SLC2A11: variants seen among roughly 807,000 people sequenced by gnomAD.
SLC2A11 encodes the protein solute carrier family 2, facilitated glucose transporter member 11.
In SLC2A11, 43 loss-of-function variants were observed where a neutral mutation model predicts 52.1. The ratio of observed to expected loss-of-function variants is 0.82; its 90% CI spans 0.65 to 1.06. The LOEUF (loss-of-function observed/expected upper bound fraction) is 1.06. SLC2A11 is among the 50% of genes least tolerant of loss of function. The pLI is 0.00. For missense variants in SLC2A11, 582 were observed against 654.2 expected, an observed-to-expected ratio of 0.89 and a Z score of 1.20; for synonymous variants, 261 against 277.6, an observed-to-expected ratio of 0.94 and a Z score of 0.59.
At chr22:23,859,659 T>A (rs2031982481) in intron 1 of SLC2A11, among the ~76,000 whole-genome samples, 1 of 152,204 alleles carries the variant, frequency 6.6e-6, no homozygotes. Flanking sequence ...CGGCTAATTT[T>A]TGTATTTTTA....
At chr22:23,865,120 A>C (rs1185308722) in intron 2 of SLC2A11, 1 of 150,792 alleles carries the variant, frequency 6.6e-6, no homozygotes, top group Non-Finnish European at 1.5e-5. Flanking sequence ...AAAAAAAAAA[A>C]AAACCAGAAA....
chr22:23,864,784 TG>T (rs1035068831), intron 2 of SLC2A11, among the ~76,000 whole-genome samples: 1 of 152,176 alleles, frequency 6.6e-6, no homozygotes, highest in African/African-American at 2.4e-5. Flanking sequence ...CCTACCCTGC[TG>T]AATGGTGTTA....
At chr22:23,857,112 C>A, upstream of SLC2A11, 1 of 1,284,932 alleles carries the variant, frequency 7.8e-7, no homozygotes, top group Non-Finnish European at 1.1e-6. Context: ...CATAGATGTG[C>A]ACAACCAAGG....
chr22:23,866,016 A>G (rs1362031397), intron 2 of SLC2A11: 1 of 152,032 alleles, frequency 6.6e-6, no homozygotes, highest in Non-Finnish European at 1.5e-5. Flanking sequence ...AAAGTAAAAA[A>G]AATGCAACAG....
At chr22:23,878,705 C>T (rs1244800251) in intron 6 of SLC2A11, among the ~76,000 whole-genome samples, 1 of 152,196 alleles carries the variant, frequency 6.6e-6, no homozygotes, top group Non-Finnish European at 1.5e-5. Context: ...GTACTCTTCT[C>T]TGTCACCATG....
At chr22:23,882,269 GAC>G (rs1243077631) in intron 6 of SLC2A11, 188 bp from the exon 7 acceptor site, 9 of 548,412 alleles carry the variant, frequency 1.6e-5, no homozygotes, top group East Asian at 3.1e-5. Flanking sequence ...CACACACAGA[GAC>G]ACACACAGAG....
At chr22:23,857,127 G>C, upstream of SLC2A11, 1 of 1,230,950 alleles carries the variant, frequency 8.1e-7, no homozygotes, top group Non-Finnish European at 1.1e-6. Context: ...CCAAGGGCTT[G>C]GCCCTCCGGA....
In SLC2A11 at chr22:23,858,033, T is replaced by A. The variant is rs1031713801; in HGVS notation, c.30+4T>A. The A allele has an allele frequency of 6.4e-7, 1 of 1,561,744 alleles. No homozygotes were observed. The highest frequency in any genetic ancestry group is 8.7e-7 in the Non-Finnish European group (1 of 1,152,578). The stretch of plus-strand genomic sequence containing the variant: ...CGCCCTCCTGCGATCTAGAATGGTA[T>A]GAATTCTCATACTTGCCCAGACCAG... On this transcript the variant is annotated splice_donor_region_variant and intron_variant, in intron 1 of 11. Transcript: ENST00000316185.
At chr22:23,872,595 C>T (rs935703191) in intron 3 of SLC2A11, 2 of 152,194 alleles carry the variant, frequency 1.3e-5, no homozygotes, top group African/African-American at 4.8e-5. Context: ...GAATATACTT[C>T]TCTTGCTTAG....
chr22:23,857,067 T>C, upstream of SLC2A11: 1 of 408,114 alleles, frequency 2.5e-6, no homozygotes, highest in South Asian at 2.0e-5. Flanking sequence ...CCAAAGTGTG[T>C]GTGTGTGGGG....
chr22:23,878,473 C>G (rs2032697520), intron 6 of SLC2A11, among the ~76,000 whole-genome samples: 1 of 152,120 alleles, frequency 6.6e-6, no homozygotes, highest in Non-Finnish European at 1.5e-5. Flanking sequence ...AACGAGTTAG[C>G]CTAGGAATAG....
chr22:23,862,121 G>A lies in SLC2A11; in HGVS notation c.48G>A (p.Leu16=). 6.2e-7 allele frequency: 1 copy of A among 1,614,146 alleles called. No individual in the cohort carries two copies. The highest frequency in any genetic ancestry group is 1.1e-5 in the South Asian group (1 of 91,074). ...CTCCTCAGATTCAGGGCAGGATCCT[G>A]CTCCTGACCATCTGCGCTGCCGGCA... is the stretch of plus-strand genomic sequence containing the variant. ...LRSRMIQGRI[L]LLTICAAGIG... is the part of the protein sequence containing the mutation. The change falls in exon 2 of 12, where the codon CTG becomes CTA. Residue 16 remains leucine, a synonymous_variant. Coordinates refer to ENST00000316185, the MANE Select transcript of SLC2A11 (RefSeq NM_001024939.4).
chr22:23,877,261 G>T, intron 5 of SLC2A11, 90 bp downstream of exon 5: 1 of 1,566,398 alleles, frequency 6.4e-7, no homozygotes, highest in Non-Finnish European at 8.7e-7. Flanking sequence ...CCCACTAGTA[G>T]ATTAAAGCAT....
chr22:23,882,681 CG>C (rs1449906931), intron 7 of SLC2A11, 35 bp downstream of exon 7: 33 of 1,606,276 alleles, frequency 2.1e-5, no homozygotes, highest in African/African-American at 2.7e-5. Context: ...CCCTGGGCCC[CG>C]GGGGCTTGGT....
At chr22:23,857,661 C>CCGCGCATGCGCCT (rs1184988177), upstream of SLC2A11, 7 of 1,102,440 alleles carry the variant, frequency 6.3e-6, no homozygotes, top group Non-Finnish European at 9.0e-6. Flanking sequence ...AACGCTGAGT[C>CCGCGCATGCGCCT]CGCGCATGCG....
chr22:23,864,308 C>T (rs2032182082), intron 2 of SLC2A11, among the ~76,000 whole-genome samples: 1 of 152,020 alleles, frequency 6.6e-6, no homozygotes, highest in Non-Finnish European at 1.5e-5. Flanking sequence ...GAGCTGGCTG[C>T]GTTGGTTTAT....
rs185379720 is a variant in SLC2A11 at position 23,878,797 on chromosome 22, A to G, written c.694+928A>G. ...GGATCCCCCAAAGTCTCATCCAATCATGGCATCGGGCTTGAAGTCCCAGAT... is the reference window on the plus strand; with the variant it reads ...GGATCCCCCAAAGTCTCATCCAATCGTGGCATCGGGCTTGAAGTCCCAGAT... On this transcript the variant is annotated intron_variant, in intron 6 of 11. Transcript: ENST00000316185. 5.9e-5 allele frequency among the ~76,000 whole-genome samples: 9 copies of G among 152,250 alleles called. No individual in the cohort carries two copies. In the East Asian group the frequency reaches 1.7e-3, roughly 29 times the overall value.
Position 23,884,767 on chromosome 22 carries a change from A to G in SLC2A11, c.1418A>G (p.Glu473Gly). Residue 473 changes from glutamate to glycine, a missense_variant, in exon 12 of 12, where the codon GAA (glutamate) becomes GGA (glycine). Coordinates refer to ENST00000316185, the MANE Select transcript of SLC2A11 (RefSeq NM_001024939.4). This position sits in a 1 kb window ranked among gnomAD's most constrained non-coding sequence, Gnocchi z 4.3. ...AAGACCTTCCAAGAGATCTCCAAGGAATTACACAGACTCAACTTCCCCAGG... is the reference window on the plus strand; with the variant it reads ...AAGACCTTCCAAGAGATCTCCAAGGGATTACACAGACTCAACTTCCCCAGG... ...KGKTFQEISKELHRLNFPRRA... is the reference protein window; with the variant it reads ...KGKTFQEISKGLHRLNFPRRA... The G allele has an allele frequency of 1.2e-6, 2 of 1,614,136 alleles. No homozygotes were observed. The highest frequency in any genetic ancestry group is 1.7e-6 in the Non-Finnish European group (2 of 1,180,020).
At chr22:23,877,289 G>A (rs2032647474) in intron 5 of SLC2A11, 118 bp downstream of exon 5, 2 of 1,526,312 alleles carry the variant, frequency 1.3e-6, no homozygotes, top group African/African-American at 1.4e-5. Flanking sequence ...TTGCATGAAG[G>A]CATCGAATCC....
Sources: gnomAD v4.1 joint callset for allele counts (sites outside exome capture counted in the v4.1 genomes callset) on GRCh38, gnomAD v4.1.1 for gene constraint, Gnocchi (gnomAD v3.1) non-coding constraint, MANE v1.5 for transcripts, NCBI Gene and HGNC (gene_info 2026-07-23, HGNC 2026-07-21) for gene names.